The following ABCD3 variants were observed in gnomAD, a reference collection of about 807,000 sequenced individuals.
ABCD3 encodes the protein ATP-binding cassette sub-family D member 3.
A neutral mutation model predicts 105.5 loss-of-function variants in ABCD3; 41 were observed. That is an observed-to-expected ratio of 0.39 (90% CI 0.30 to 0.50). ABCD3 has a LOEUF of 0.50. Ranked by LOEUF, ABCD3 falls within the 20% of genes least tolerant of loss-of-function variation. The pLI, the probability that ABCD3 is intolerant of heterozygous loss-of-function variation, is 0.84. For missense variants in ABCD3, 622 were observed against 806.3 expected, an observed-to-expected ratio of 0.77 and a Z score of 2.77; for synonymous variants, 258 against 269.0, an observed-to-expected ratio of 0.96 and a Z score of 0.40.
intron 21 of ABCD3, among the ~76,000 whole-genome samples, chr1:94,512,038 A>G (rs1156730510): frequency 3.3e-5 from 5 of 152,052 alleles, no homozygotes. Context: ...CTGGTGAGGA[A>G]CTGCGTTCCT....
intron 21 of ABCD3, among the ~76,000 whole-genome samples, chr1:94,508,984 T>C (rs1354879334): frequency 2.6e-5 from 4 of 152,216 alleles, no homozygotes; most frequent in Non-Finnish European, 4.4e-5. Context: ...TATTTCCTTG[T>C]CCTGCCTAAT....
intron 1 of ABCD3, among the ~76,000 whole-genome samples, chr1:94,436,674 T>G (rs1486079443): frequency 1.3e-5 from 2 of 152,236 alleles, no homozygotes; most frequent in Non-Finnish European, 2.9e-5. Flanking sequence ...CTGTATCATA[T>G]TATGGTAATT....
intron 16 of ABCD3, among the ~76,000 whole-genome samples, chr1:94,496,000 T>C (rs1649780435): frequency 6.6e-6 from 1 of 152,262 alleles, no homozygotes; most frequent in Non-Finnish European, 1.5e-5. Context: ...GAACGACTCT[T>C]TAACAATTAT....
At chr1:94,404,512 A>AT in the ABCD3 span, among the ~76,000 whole-genome samples, 1,556 of 151,786 alleles carry the variant, frequency 0.01, 15 homozygotes, top group Middle Eastern at 0.034. Flanking sequence ...TCAGTTTTTC[A>AT]TTTTTTCCTT....
chr1:94,397,166 C>A, the ABCD3 span, among the ~76,000 whole-genome samples: 2 of 152,166 alleles, frequency 1.3e-5, no homozygotes, highest in Admixed American at 1.3e-4. Context: ...GCAGATAGTA[C>A]AGAGAATCCT....
Position 94,421,147 on chromosome 1 carries a change from T to A in ABCD3, c.110+2559T>A, listed in dbSNP as rs536649444. 4.6e-5 allele frequency among the ~76,000 whole-genome samples: 7 copies of A among 152,282 alleles called. No homozygotes were observed. The East Asian group carries it at 1.4e-3, about 29-fold the overall frequency. ...ATAGAATAATACAAGGATTGCCCAA[T>A]GCACTTTACCCAAGGAGTACCAACA... On this transcript the variant is annotated intron_variant, in intron 1 of 22. Coordinates refer to ENST00000370214, the MANE Select transcript of ABCD3 (RefSeq NM_002858.4).
At chr1:94,386,730 TA>T in the ABCD3 span, among the ~76,000 whole-genome samples, 11 of 152,196 alleles carry the variant, frequency 7.2e-5, no homozygotes, top group African/African-American at 7.2e-5. Flanking sequence ...ATTTGATGAC[TA>T]AAAAACTCCC....
chr1:94,419,228 C>T, intron 1 of ABCD3: 1 of 952,726 alleles, frequency 1.0e-6, no homozygotes, highest in Non-Finnish European at 1.2e-6. Flanking sequence ...TGGTCGGTGG[C>T]ATTTCATCCG....
the ABCD3 span, among the ~76,000 whole-genome samples, chr1:94,403,058 G>GT: frequency 6.7e-6 from 1 of 149,260 alleles, no homozygotes; most frequent in East Asian, 2.0e-4. Context: ...GCGGTGTTTG[G>GT]TTTTTTGTTC....
At chr1:94,480,252 G>A in intron 8 of ABCD3, 1 of 592,182 alleles carries the variant, frequency 1.7e-6, no homozygotes, top group African/African-American at 1.9e-5. Flanking sequence ...TGAGGGATAA[G>A]CTACAGTGGT....
chr1:94,511,302 G>C (rs1357473679), intron 21 of ABCD3, among the ~76,000 whole-genome samples: 1 of 152,072 alleles, frequency 6.6e-6, no homozygotes, highest in Non-Finnish European at 1.5e-5. Flanking sequence ...TTTTCTTTAA[G>C]AATGTTGAAT....
chr1:94,389,914 T>G, the ABCD3 span, among the ~76,000 whole-genome samples: 1 of 152,346 alleles, frequency 6.6e-6, no homozygotes, highest in South Asian at 2.1e-4. Flanking sequence ...AGATCACAGT[T>G]ATAGTCTGTA....
At chr1:94,447,115 C>G (rs1660378922) in intron 1 of ABCD3, among the ~76,000 whole-genome samples, 1 of 152,164 alleles carries the variant, frequency 6.6e-6, no homozygotes, top group Non-Finnish European at 1.5e-5. Flanking sequence ...GCCTCTAGAA[C>G]CTATACCTTT....
chr1:94,513,272 G>A (rs1215420399), intron 21 of ABCD3, among the ~76,000 whole-genome samples: 3 of 151,996 alleles, frequency 2.0e-5, no homozygotes, highest in African/African-American at 7.2e-5. Flanking sequence ...AAACCATGTA[G>A]TCTGCAGTTG....
intron 21 of ABCD3, among the ~76,000 whole-genome samples, chr1:94,508,508 GT>G (rs1434026039): frequency 6.6e-6 from 1 of 151,190 alleles, no homozygotes; most frequent in Non-Finnish European, 1.5e-5. Flanking sequence ...CTTTAAAGTA[GT>G]TTTTTCCAAT....
At chr1:94,396,611 G>A in the ABCD3 span, among the ~76,000 whole-genome samples, 1 of 132,204 alleles carries the variant, frequency 7.6e-6, no homozygotes, top group East Asian at 2.5e-4. Flanking sequence ...GTGTGTGTGT[G>A]CGCGCGCGCA....
intron 9 of ABCD3, among the ~76,000 whole-genome samples, 177 bp downstream of exon 9, chr1:94,480,783 ACT>A (rs779699333): frequency 4.3e-4 from 66 of 152,118 alleles, no homozygotes; most frequent in South Asian, 8.3e-4. Flanking sequence ...AATATTTTGA[ACT>A]CTTTTTCTTA....
intron 1 of ABCD3, among the ~76,000 whole-genome samples, chr1:94,451,749 T>C (rs1346658352): frequency 6.6e-6 from 1 of 152,196 alleles, no homozygotes; most frequent in Non-Finnish European, 1.5e-5. Flanking sequence ...GTTTTACTGT[T>C]ATTCTTTATT....
In ABCD3 at chr1:94,460,309, C is replaced by T. The variant is rs371623988; in HGVS notation, c.147+1666C>T. Among the ~76,000 whole-genome samples the T allele has an allele frequency of 1.2e-4, 19 of 152,168 alleles. No homozygotes were observed. In the South Asian group the frequency reaches 1.7e-3, roughly 13 times the overall value. ...AAGAATTATCTACAAATTTAATTTGCCTTTCCTTTCTTTCACAGAACTGCT... is the reference window on the plus strand; with the variant it reads ...AAGAATTATCTACAAATTTAATTTGTCTTTCCTTTCTTTCACAGAACTGCT... On this transcript the variant is annotated intron_variant, in intron 2 of 22. Coordinates refer to ENST00000370214, the MANE Select transcript of ABCD3 (RefSeq NM_002858.4).
Sources: allele counts gnomAD v4.1 joint callset (sites outside exome capture counted in the v4.1 genomes callset), GRCh38; gene constraint gnomAD v4.1.1; transcripts MANE v1.5; gene names NCBI Gene and HGNC (gene_info 2026-07-23, HGNC 2026-07-21).